Variants in MSI2 observed in about 807,000 individuals in gnomAD.
The protein encoded by MSI2 is RNA-binding protein Musashi homolog 2.
Under a neutral mutation model 45.6 loss-of-function variants are expected in MSI2, and 17 were observed. The observed-to-expected ratio is 0.37, with a 90% confidence interval of 0.26 to 0.56. The LOEUF (loss-of-function observed/expected upper bound fraction) is 0.56, where lower values mean the gene tolerates loss of function less well. Among genes scored for constraint, MSI2 ranks in the 20% least tolerant of loss-of-function variants. The pLI, the probability that MSI2 is intolerant of heterozygous loss-of-function variation, is 0.77. For synonymous variants in MSI2, 156 were observed against 158.2 expected (o/e 0.99, Z 0.11); for missense variants, 293 against 444.2 (o/e 0.66, Z 3.06).
chr17:57,499,478 C>G (rs2086053616), intron 6 of MSI2, among the ~76,000 whole-genome samples: 2 of 151,730 alleles, frequency 1.3e-5, no homozygotes, highest in Non-Finnish European at 2.9e-5. Context: ...CAAGGGCAGA[C>G]TTGAAAAGGA....
chr17:57,445,397 G>A (rs1414912448), intron 6 of MSI2, among the ~76,000 whole-genome samples: 5 of 152,156 alleles, frequency 3.3e-5, no homozygotes, highest in Non-Finnish European at 7.4e-5. Flanking sequence ...TTTACCTCCT[G>A]TAGTGACAAA....
intron 5 of MSI2, among the ~76,000 whole-genome samples, chr17:57,399,839 A>G (rs1315980694): frequency 6.6e-6 from 1 of 152,210 alleles, no homozygotes; most frequent in Non-Finnish European, 1.5e-5. Context: ...ACCCAGAGTT[A>G]GACCCAGGAG....
intron 7 of MSI2, among the ~76,000 whole-genome samples, chr17:57,589,058 T>C (rs933684892): frequency 3.3e-5 from 5 of 152,186 alleles, no homozygotes; most frequent in Admixed American, 3.3e-4. Flanking sequence ...AATAACCACC[T>C]TTGGGAAGCA....
chr17:57,276,241 T>A (rs1908834945), intron 5 of MSI2, among the ~76,000 whole-genome samples: 1 of 152,156 alleles, frequency 6.6e-6, no homozygotes, highest in African/African-American at 2.4e-5. Context: ...GTCCATCGAG[T>A]TATGGGCCGT....
intron 7 of MSI2, among the ~76,000 whole-genome samples, chr17:57,579,576 T>C (rs964952688): frequency 8.5e-5 from 13 of 152,192 alleles, no homozygotes; most frequent in Admixed American, 6.5e-4. Flanking sequence ...CAGCCCTCTT[T>C]GTCCCCATTT....
At chr17:57,553,220 G>A (rs2087347721) in intron 7 of MSI2, among the ~76,000 whole-genome samples, 1 of 152,162 alleles carries the variant, frequency 6.6e-6, no homozygotes, top group South Asian at 2.1e-4. Flanking sequence ...TAGGCTCATG[G>A]GCACAGAGCA....
chr17:57,668,769 C>A (rs930342511), intron 11 of MSI2, among the ~76,000 whole-genome samples: 1 of 152,242 alleles, frequency 6.6e-6, no homozygotes, highest in Non-Finnish European at 1.5e-5. Context: ...AATCCCATCA[C>A]ATTGCTCTCT....
chr17:57,257,435 C>G (rs752363405), intron 2 of MSI2, 31 bp from the exon 3 acceptor site: 6 of 1,157,206 alleles, frequency 5.2e-6, no homozygotes, highest in Admixed American at 2.0e-5. Context: ...CCTTCTCTCC[C>G]CCCCCCATCT....
intron 6 of MSI2, among the ~76,000 whole-genome samples, chr17:57,478,670 G>A (rs1015464607): frequency 6.6e-6 from 1 of 152,174 alleles, no homozygotes; most frequent in African/African-American, 2.4e-5. Context: ...ACTGCCCTGG[G>A]AGAATCACAC....
rs1916755837 is a variant in MSI2, at chr17:57,360,732, G to A, written c.313-40647G>A. On this transcript the variant is annotated intron_variant, in intron 5 of 13. Transcript: ENST00000284073. ...AAGAGAAATTTTTAGAATATGGGAA[G>A]AGCGAATATAACATTTTGTTCAATA... Among the ~76,000 whole-genome samples the A allele has an allele frequency of 2.6e-5, 4 of 152,244 alleles. No individual in the cohort carries two copies. The South Asian group carries it at 8.3e-4, about 31-fold the overall frequency.
intron 5 of MSI2, among the ~76,000 whole-genome samples, chr17:57,365,661 T>G (rs770597861): frequency 6.6e-6 from 1 of 152,046 alleles, no homozygotes; most frequent in Non-Finnish European, 1.5e-5. Flanking sequence ...CACGGCTCAG[T>G]GTACCAGAAG....
Position 57,627,148 on chromosome 17 carries a change from A to G in MSI2, c.653-81A>G. 7.9e-7 allele frequency: 1 copy of G among 1,259,464 alleles called. No homozygotes were observed. The highest frequency in any genetic ancestry group is 1.2e-6 in the Non-Finnish European group (1 of 858,420). 78.0% of individuals were successfully genotyped at this position (1,259,464 alleles called of 1,614,324 possible). On this transcript the variant is annotated intron_variant, in intron 9 of 13. Transcript: ENST00000284073. This position sits in a 1 kb window ranked among gnomAD's most constrained non-coding sequence, Gnocchi z 4.6. ...AAGGAAAATAACTCAGGCTTTCCTC[A>G]TTGCCACCCTCCGTGAGATTTTACC...
At chr17:57,476,156 C>A (rs2085533076) in intron 6 of MSI2, among the ~76,000 whole-genome samples, 1 of 152,212 alleles carries the variant, frequency 6.6e-6, no homozygotes, top group African/African-American at 2.4e-5. Flanking sequence ...TAGTGCCTGC[C>A]ACTCACAACA....
chr17:57,549,052 T>C (rs1458944340), intron 7 of MSI2, among the ~76,000 whole-genome samples: 10 of 152,182 alleles, frequency 6.6e-5, no homozygotes, highest in Admixed American at 6.5e-4. Flanking sequence ...ATTTGTTTGT[T>C]TTTTAAAAGG....
chr17:57,468,123 T>TA (rs2085362349), intron 6 of MSI2, among the ~76,000 whole-genome samples: 1 of 151,858 alleles, frequency 6.6e-6, no homozygotes, highest in Non-Finnish European at 1.5e-5. Flanking sequence ...TACTGTCTGT[T>TA]ACGTAACCTC....
intron 5 of MSI2, among the ~76,000 whole-genome samples, chr17:57,379,801 A>G (rs1203448544): frequency 6.6e-6 from 1 of 151,438 alleles, no homozygotes; most frequent in Non-Finnish European, 1.5e-5. Context: ...TTGATTGTTT[A>G]ATAGGAAGAG....
chr17:57,567,065 C>G (rs947119168), intron 7 of MSI2, among the ~76,000 whole-genome samples: 10 of 152,134 alleles, frequency 6.6e-5, no homozygotes, highest in African/African-American at 2.2e-4. Context: ...GACAAATGCT[C>G]GTTCTTATTA....
At chr17:57,525,964 C>CA (rs920676568) in intron 6 of MSI2, among the ~76,000 whole-genome samples, 1 of 152,192 alleles carries the variant, frequency 6.6e-6, no homozygotes, top group African/African-American at 2.4e-5. Context: ...CAGTGGCTCA[C>CA]ACCTGTAATC....
chr17:57,666,867 G>T (rs529672716), intron 11 of MSI2, among the ~76,000 whole-genome samples: 1 of 152,034 alleles, frequency 6.6e-6, no homozygotes, highest in Non-Finnish European at 1.5e-5. Context: ...AAAAAGAGAC[G>T]AGTGTGCTTC....
Sources: allele counts gnomAD v4.1 joint callset (sites outside exome capture counted in the v4.1 genomes callset), GRCh38; gene constraint gnomAD v4.1.1; non-coding constraint Gnocchi (gnomAD v3.1); transcripts MANE v1.5; gene names NCBI Gene and HGNC (gene_info 2026-07-23, HGNC 2026-07-21).